B4GALT6: variants seen among roughly 807,000 people sequenced by gnomAD.
The protein encoded by B4GALT6 is beta-1,4-galactosyltransferase 6.
In B4GALT6, 14 loss-of-function variants were observed where a neutral mutation model predicts 46.3. The ratio of observed to expected loss-of-function variants is 0.30; its 90% CI spans 0.20 to 0.47. B4GALT6 has a LOEUF of 0.47. Among genes scored for constraint, B4GALT6 ranks in the 20% least tolerant of loss-of-function variants. B4GALT6 has a pLI of 0.99. For missense variants in B4GALT6, 386 were observed against 480.1 expected, an observed-to-expected ratio of 0.80 and a Z score of 1.83; for synonymous variants, 168 against 162.0, an observed-to-expected ratio of 1.04 and a Z score of -0.28.
intron 5 of B4GALT6, among the ~76,000 whole-genome samples, chr18:31,633,143 T>C (rs1160870455): frequency 6.6e-6 from 1 of 152,154 alleles, no homozygotes; most frequent in Non-Finnish European, 1.5e-5. Flanking sequence ...AAAAAAAATT[T>C]CCCAGTATTG....
intron 1 of B4GALT6, among the ~76,000 whole-genome samples, chr18:31,670,168 C>T (rs2074333825): frequency 6.6e-6 from 1 of 151,994 alleles, no homozygotes; most frequent in South Asian, 2.1e-4. Flanking sequence ...ATCCTCCCAC[C>T]TCAGTCTCAC....
At chr18:31,656,920 G>A (rs1309582084) in intron 3 of B4GALT6, among the ~76,000 whole-genome samples, 1 of 152,118 alleles carries the variant, frequency 6.6e-6, no homozygotes, top group African/African-American at 2.4e-5. Flanking sequence ...ACAAACATAG[G>A]AAAACTTACT....
intron 1 of B4GALT6, among the ~76,000 whole-genome samples, chr18:31,677,167 A>G (rs1041782829): frequency 3.3e-5 from 5 of 152,314 alleles, no homozygotes; most frequent in Admixed American, 2.0e-4. Flanking sequence ...GCCATACTAC[A>G]CTTCTGGAGG....
rs529523458 is a variant in B4GALT6, at chr18:31,668,056, C to A, written c.116-1684G>T. Among the ~76,000 whole-genome samples, 57 of 150,532 alleles carry A rather than the reference C, an allele frequency of 3.8e-4. 1 individual carries two copies. In the South Asian group the frequency reaches 9.0e-3, roughly 24 times the overall value. The stretch of plus-strand genomic sequence containing the variant: ...AGGTTGCAGTGAGCCGAGACTGCGC[C>A]ACTGCACTCCAGCCTGGGCGAGGGA... On this transcript the variant is annotated intron_variant, in intron 1 of 8. Coordinates refer to ENST00000306851, the MANE Select transcript of B4GALT6 (RefSeq NM_004775.5).
chr18:31,669,220 G>A (rs1450731980), intron 1 of B4GALT6, among the ~76,000 whole-genome samples: 4 of 152,148 alleles, frequency 2.6e-5, no homozygotes, highest in Non-Finnish European at 5.9e-5. Context: ...AGGTAAAGCT[G>A]TGCATAACTT....
At chr18:31,678,703 T>C (rs1470880864) in intron 1 of B4GALT6, among the ~76,000 whole-genome samples, 3 of 152,142 alleles carry the variant, frequency 2.0e-5, no homozygotes, top group African/African-American at 4.8e-5. Flanking sequence ...GATCTCCAAA[T>C]ATGGACAACG....
intron 1 of B4GALT6, among the ~76,000 whole-genome samples, chr18:31,681,015 C>T (rs2074473732): frequency 6.6e-6 from 1 of 152,174 alleles, no homozygotes; most frequent in Non-Finnish European, 1.5e-5. Context: ...CCTCACTTCC[C>T]ACCACATGCC....
the B4GALT6 span, among the ~76,000 whole-genome samples, chr18:31,708,842 G>A: frequency 1.3e-5 from 2 of 152,074 alleles, no homozygotes; most frequent in African/African-American, 2.4e-5. Flanking sequence ...GCCATCCTCA[G>A]GTTTTCGAAT....
intron 4 of B4GALT6, among the ~76,000 whole-genome samples, chr18:31,643,388 T>A (rs1490518521): frequency 6.6e-6 from 1 of 152,098 alleles, no homozygotes; most frequent in Non-Finnish European, 1.5e-5. Context: ...AGCTTCCACA[T>A]CCCAGGTTCA....
In B4GALT6 at chr18:31,666,263, G is replaced by A. The variant is rs955349596; in HGVS notation, c.225C>T (p.Asn75=). The A allele has an allele frequency of 9.5e-6, 15 of 1,581,714 alleles. No homozygotes were observed. Among genetic ancestry groups the A allele is most frequent in the South Asian group, 4.6e-5 (4 of 86,582 alleles). Residue 75 remains asparagine, a synonymous_variant, in exon 2 of 9, where the codon AAC becomes AAT. Transcript: ENST00000306851. ...AGCAGGAAGTAGTCTTACCTGTACCGTTGAGCGTACTGTTTTTATTTGTGT... is the reference window on the plus strand; with the variant it reads ...AGCAGGAAGTAGTCTTACCTGTACCATTGAGCGTACTGTTTTTATTTGTGT... ...RLYTNKNSTL[N]GTDYPEGNNS...
chr18:31,689,079 A>G (rs1015887037), upstream of B4GALT6, among the ~76,000 whole-genome samples: 2 of 152,206 alleles, frequency 1.3e-5, no homozygotes, highest in African/African-American at 4.8e-5. Flanking sequence ...AGGCCCGACT[A>G]CTATCTAGTC....
intron 1 of B4GALT6, 88 bp downstream of exon 1, chr18:31,684,224 G>A: frequency 1.3e-6 from 2 of 1,583,870 alleles, no homozygotes; most frequent in South Asian, 1.1e-5. Context: ...TGTTTGAACA[G>A]CTTCCAAATC....
intron 1 of B4GALT6, among the ~76,000 whole-genome samples, chr18:31,670,942 C>A (rs2074347430): frequency 6.6e-6 from 1 of 152,110 alleles, no homozygotes; most frequent in South Asian, 2.1e-4. Flanking sequence ...TGATGTTCCC[C>A]ACCCTGTGTC....
At chr18:31,692,817 G>A in the B4GALT6 span, among the ~76,000 whole-genome samples, 1 of 152,142 alleles carries the variant, frequency 6.6e-6, no homozygotes, top group Non-Finnish European at 1.5e-5. Context: ...ACTAACAGAA[G>A]AGATTGATAC....
intron 5 of B4GALT6, among the ~76,000 whole-genome samples, chr18:31,635,539 A>G (rs1326327646): frequency 6.6e-6 from 1 of 152,252 alleles, no homozygotes; most frequent in Non-Finnish European, 1.5e-5. Context: ...ACGGAGAAAA[A>G]GCAGAGGTAA....
chr18:31,644,503 G>T (rs2073968330), intron 4 of B4GALT6, among the ~76,000 whole-genome samples: 1 of 152,116 alleles, frequency 6.6e-6, no homozygotes, highest in South Asian at 2.1e-4. Flanking sequence ...TGTTTTAAAA[G>T]ATAAACTGTT....
the B4GALT6 span, among the ~76,000 whole-genome samples, chr18:31,699,873 A>G: frequency 2.6e-5 from 4 of 152,206 alleles, no homozygotes; most frequent in Non-Finnish European, 5.9e-5. Context: ...TGGTTTCCCC[A>G]TCTATCATAG....
chr18:31,681,150 A>G (rs531663383), intron 1 of B4GALT6, among the ~76,000 whole-genome samples: 1 of 152,276 alleles, frequency 6.6e-6, no homozygotes, highest in South Asian at 2.1e-4. Context: ...CACAACTCCT[A>G]TTGTTGAATG....
chr18:31,647,448 C>T (rs1056940602), intron 3 of B4GALT6, among the ~76,000 whole-genome samples: 8 of 152,172 alleles, frequency 5.3e-5, no homozygotes, highest in Admixed American at 4.6e-4. Flanking sequence ...ATCCTAAGTT[C>T]ACACTCCTCG....
Sources: allele counts gnomAD v4.1 joint callset (sites outside exome capture counted in the v4.1 genomes callset), GRCh38; gene constraint gnomAD v4.1.1; transcripts MANE v1.5; gene names NCBI Gene and HGNC (gene_info 2026-07-23, HGNC 2026-07-21).